The following HELZ variants were observed in gnomAD, a reference collection of about 807,000 sequenced individuals.
HELZ encodes the protein helicase with zinc finger, also known as ATP-dependent RNA helicase with zinc finger domain.
Under a neutral mutation model 218.2 loss-of-function variants are expected in HELZ, and 23 were observed. That is an observed-to-expected ratio of 0.11 (90% CI 0.08 to 0.15). The LOEUF (loss-of-function observed/expected upper bound fraction) is 0.15. Ranked by LOEUF, HELZ falls within the 10% of genes least tolerant of loss-of-function variation. The probability of loss-of-function intolerance (pLI) is 1.00; values close to 1 mark genes in which losing one functional copy is unlikely to be tolerated. For missense variants in HELZ, 1,813 were observed against 2,353.7 expected (o/e 0.77, Z 4.75); for synonymous variants, 814 against 829.4 (o/e 0.98, Z 0.32).
At chr17:67,169,211 G>A (rs1200655666) in intron 13 of HELZ, among the ~76,000 whole-genome samples, 2 of 152,168 alleles carry the variant, frequency 1.3e-5, no homozygotes, top group Non-Finnish European at 2.9e-5. Flanking sequence ...GTAAGAAATG[G>A]TGGCAACATT....
chr17:67,198,292 A>C (rs1252802239), intron 7 of HELZ, among the ~76,000 whole-genome samples: 1 of 152,232 alleles, frequency 6.6e-6, no homozygotes, highest in Non-Finnish European at 1.5e-5. Flanking sequence ...AGCAGTCAGC[A>C]CCTGTAAGAA....
At chr17:67,165,002 A>T (rs2039099376) in intron 15 of HELZ, among the ~76,000 whole-genome samples, 1 of 152,238 alleles carries the variant, frequency 6.6e-6, no homozygotes, top group Non-Finnish European at 1.5e-5. Context: ...CGGGTCTAAA[A>T]GCAGCACTGG....
At chr17:67,089,668 T>TATATATAGAGAGAG (rs71293575) in intron 31 of HELZ, among the ~76,000 whole-genome samples, 40 of 70,632 alleles carry the variant, frequency 5.7e-4, no homozygotes, top group African/African-American at 1.7e-3. Flanking sequence ...TATATATATA[T>TATATATAGAGAGAG]AGAGAGAGAG....
chr17:67,150,025 C>T, intron 18 of HELZ, 40 bp from the exon 19 acceptor site: 2 of 1,221,852 alleles, frequency 1.6e-6, no homozygotes, highest in Non-Finnish European at 2.4e-6. Flanking sequence ...CACGCTAGAG[C>T]AGCAACAAAG....
chr17:67,202,702 G>A (rs1001004562), intron 6 of HELZ, among the ~76,000 whole-genome samples: 2 of 152,120 alleles, frequency 1.3e-5, no homozygotes, highest in African/African-American at 4.8e-5. Flanking sequence ...GTCCACATCA[G>A]CATTTTAAAA....
intron 4 of HELZ, among the ~76,000 whole-genome samples, chr17:67,217,218 G>A (rs954617120): frequency 2.0e-5 from 3 of 152,180 alleles, no homozygotes; most frequent in Admixed American, 1.3e-4. Context: ...CTCAGTTGAA[G>A]GAAACATCAT....
chr17:67,226,754 T>C (rs931290337), intron 3 of HELZ, among the ~76,000 whole-genome samples: 1 of 152,170 alleles, frequency 6.6e-6, no homozygotes, highest in Non-Finnish European at 1.5e-5. Flanking sequence ...CAAACGTCCT[T>C]TAATGAGTGA....
intron 31 of HELZ, among the ~76,000 whole-genome samples, chr17:67,101,111 G>GA (rs34193245): frequency 0.2 from 11,925 of 59,920 alleles, 1,416 homozygotes; most frequent in African/African-American, 0.42. Flanking sequence ...CTCCGTCTCA[G>GA]AAAAAAAAAA....
At chr17:67,236,767 T>A (rs921054160) in intron 3 of HELZ, among the ~76,000 whole-genome samples, 1 of 152,212 alleles carries the variant, frequency 6.6e-6, no homozygotes, top group Non-Finnish European at 1.5e-5. Flanking sequence ...AATTTATTTA[T>A]TATCAATTTA....
chr17:67,158,838 G>A (rs1482098415), intron 17 of HELZ, among the ~76,000 whole-genome samples: 1 of 152,042 alleles, frequency 6.6e-6, no homozygotes, highest in Non-Finnish European at 1.5e-5. Flanking sequence ...AATTTTACAT[G>A]GAAAAAGCTA....
chr17:67,240,233 C>T (rs1300214585), intron 2 of HELZ, among the ~76,000 whole-genome samples: 2 of 152,198 alleles, frequency 1.3e-5, no homozygotes, highest in African/African-American at 4.8e-5. Flanking sequence ...AACATCCAAA[C>T]TCTGGTTCAA....
At chr17:67,080,979 A>G (rs1338038316) in intron 32 of HELZ, among the ~76,000 whole-genome samples, 1 of 152,240 alleles carries the variant, frequency 6.6e-6, no homozygotes, top group East Asian at 1.9e-4. Flanking sequence ...GCTAGTGACT[A>G]CATTTCCCAG....
intron 29 of HELZ, 82 bp downstream of exon 29, chr17:67,109,034 T>C (rs1415185644): frequency 8.4e-7 from 1 of 1,186,316 alleles, no homozygotes; most frequent in Non-Finnish European, 1.2e-6. Context: ...AACAATTCAA[T>C]CTTAACCCAA....
chr17:67,114,893 A>T (rs2037383986), intron 27 of HELZ, among the ~76,000 whole-genome samples: 1 of 152,206 alleles, frequency 6.6e-6, no homozygotes, highest in Non-Finnish European at 1.5e-5. Flanking sequence ...TAGATATCAA[A>T]CCGTGTATAA....
chr17:67,181,258 T>C (rs558983794), intron 12 of HELZ, among the ~76,000 whole-genome samples: 4 of 152,312 alleles, frequency 2.6e-5, no homozygotes, highest in South Asian at 4.1e-4. Flanking sequence ...TCACTAGTTA[T>C]TCCTAACTGA....
chr17:67,210,557 G>A (rs2040423789), intron 5 of HELZ, among the ~76,000 whole-genome samples: 1 of 152,088 alleles, frequency 6.6e-6, no homozygotes, highest in South Asian at 2.1e-4. Context: ...ATTACAAGTG[G>A]TACAATACTC....
At chr17:67,225,913 C>T (rs1027355821) in intron 3 of HELZ, among the ~76,000 whole-genome samples, 12 of 151,770 alleles carry the variant, frequency 7.9e-5, no homozygotes, top group African/African-American at 2.4e-5. Flanking sequence ...AAGTTAGAGA[C>T]TGGGAGAAAT....
intron 12 of HELZ, among the ~76,000 whole-genome samples, chr17:67,184,854 T>C (rs1166215324): frequency 7.0e-6 from 1 of 142,788 alleles, no homozygotes; most frequent in Non-Finnish European, 1.6e-5. Context: ...TAAATAGAGA[T>C]ATTTCCCATT....
chr17:67,232,396 C>T (rs1036992172), intron 3 of HELZ, among the ~76,000 whole-genome samples: 2 of 152,206 alleles, frequency 1.3e-5, no homozygotes, highest in Non-Finnish European at 2.9e-5. Context: ...TCATGATCCG[C>T]CCGCCTCAGC....
Sources: gnomAD v4.1 joint callset for allele counts (sites outside exome capture counted in the v4.1 genomes callset) on GRCh38, gnomAD v4.1.1 for gene constraint, MANE v1.5 for transcripts, NCBI Gene and HGNC (gene_info 2026-07-23, HGNC 2026-07-21) for gene names.